MAP3K7CL: variants seen among roughly 807,000 people sequenced by gnomAD.
MAP3K7CL encodes MAP3K7 C-terminal-like protein.
Under a neutral mutation model 18.6 loss-of-function variants are expected in MAP3K7CL, and 16 were observed. The observed-to-expected ratio is 0.86, with a 90% CI of 0.58 to 1.31. The LOEUF (loss-of-function observed/expected upper bound fraction) is 1.31. Ranked by LOEUF, MAP3K7CL falls within the 50% of genes most tolerant of loss-of-function variation. The pLI is 0.00. For synonymous variants in MAP3K7CL, 65 were observed against 66.8 expected (o/e 0.97, Z 0.13); for missense variants, 163 against 174.4 (o/e 0.93, Z 0.37).
At chr21:29,172,834 A>AT (rs2087874153) in intron 4 of MAP3K7CL, among the ~76,000 whole-genome samples, 1 of 119,744 alleles carries the variant, frequency 8.4e-6, no homozygotes, top group South Asian at 3.4e-4. Flanking sequence ...TTGATGAGCA[A>AT]CCCCCCCCTC....
chr21:29,160,892 A>AT (rs1378487280), intron 4 of MAP3K7CL, among the ~76,000 whole-genome samples: 2 of 152,248 alleles, frequency 1.3e-5, no homozygotes, highest in African/African-American at 4.8e-5. Flanking sequence ...TGAGTAAATT[A>AT]TTGTTGATGT....
chr21:29,095,128 A>C (rs1288553945), intron 4 of MAP3K7CL, among the ~76,000 whole-genome samples: 2 of 126,576 alleles, frequency 1.6e-5, no homozygotes, highest in Non-Finnish European at 3.2e-5. Flanking sequence ...AGGGAAGGTT[A>C]GGCTCATTCA....
chr21:29,168,759 C>T (rs1419251222), intron 4 of MAP3K7CL, among the ~76,000 whole-genome samples: 1 of 152,156 alleles, frequency 6.6e-6, no homozygotes, highest in Admixed American at 6.6e-5. Context: ...TTGCCAAGAT[C>T]TGATTTTTCA....
chr21:29,077,799 G>T (rs1377590340), intron 1 of MAP3K7CL: 1 of 152,330 alleles, frequency 6.6e-6, no homozygotes, highest in Non-Finnish European at 1.5e-5. Flanking sequence ...TTTGCGCAGA[G>T]TTTGCAAAAC....
At chr21:29,153,698 C>G (rs1441672552) in intron 3 of MAP3K7CL, among the ~76,000 whole-genome samples, 2 of 152,146 alleles carry the variant, frequency 1.3e-5, no homozygotes, top group African/African-American at 4.8e-5. Flanking sequence ...ATCTGCCCAC[C>G]TCAGGCTCCC....
Position 29,174,759 on chromosome 21 carries a change from A to C in MAP3K7CL, c.296A>C (p.Asp99Ala). 6.2e-7 allele frequency: 1 copy of C among 1,614,146 alleles called. No homozygotes were observed. Among genetic ancestry groups the C allele is most frequent in the Non-Finnish European group, 8.5e-7 (1 of 1,180,020 alleles). ...KLDQAEKEKV[D>A]AAELVREFEA... The stretch of plus-strand genomic sequence containing the variant: ...GATCAGGCAGAAAAGGAGAAGGTGG[A>C]TGCTGCTGAGCTGGTTCGGGAATTC... The change falls in exon 5 of 5, where the codon GAT (aspartate) becomes GCT (alanine). Residue 99 changes from aspartate (D) to alanine (A), a missense_variant. Asp to Ala is a moderately radical substitution (Grantham distance 126). Transcript: ENST00000399928.
chr21:29,085,652 A>G (rs372836155), upstream of MAP3K7CL, among the ~76,000 whole-genome samples: 3 of 152,294 alleles, frequency 2.0e-5, no homozygotes, highest in African/African-American at 2.4e-5. Flanking sequence ...CTTGTCTGCA[A>G]AATTCATTTA....
chr21:29,150,367 G>A (rs2087240473), intron 3 of MAP3K7CL, among the ~76,000 whole-genome samples: 1 of 152,190 alleles, frequency 6.6e-6, no homozygotes, highest in South Asian at 2.1e-4. Flanking sequence ...TGCCAGGGTG[G>A]TCTCTAAAAA....
chr21:29,132,044 G>C (rs891854187), intron 1 of MAP3K7CL, among the ~76,000 whole-genome samples: 4 of 152,152 alleles, frequency 2.6e-5, no homozygotes, highest in Admixed American at 2.6e-4. Context: ...ATATCATTCA[G>C]GTTTTTTGGT....
At chr21:29,091,183 A>G (rs2086020527) in intron 1 of MAP3K7CL, among the ~76,000 whole-genome samples, 1 of 152,074 alleles carries the variant, frequency 6.6e-6, no homozygotes. Context: ...TTCATTCACA[A>G]TTTCTCCATC....
chr21:29,120,580 C>G (rs949420704), intron 4 of MAP3K7CL, among the ~76,000 whole-genome samples: 19 of 152,142 alleles, frequency 1.2e-4, no homozygotes, highest in Admixed American at 2.6e-4. Context: ...TTTCTCATCA[C>G]CTTAAAACCA....
At chr21:29,166,136 A>C (rs890084003) in intron 4 of MAP3K7CL, among the ~76,000 whole-genome samples, 24 of 152,152 alleles carry the variant, frequency 1.6e-4, no homozygotes, top group Admixed American at 1.0e-3. Flanking sequence ...GTACTCACTG[A>C]ATAACCCCTC....
At chr21:29,123,773 T>A (rs2086637361) in intron 4 of MAP3K7CL, among the ~76,000 whole-genome samples, 1 of 152,192 alleles carries the variant, frequency 6.6e-6, no homozygotes, top group African/African-American at 2.4e-5. Flanking sequence ...TGGTGCTATT[T>A]GGTTCTGTTA....
intron 4 of MAP3K7CL, among the ~76,000 whole-genome samples, chr21:29,094,128 G>T (rs1318449838): frequency 6.6e-6 from 1 of 152,202 alleles, no homozygotes. Context: ...TCCCCCAGGG[G>T]ATATTTGGCA....
At chr21:29,109,388 A>G (rs2086380911) in intron 4 of MAP3K7CL, 2 of 1,334,660 alleles carry the variant, frequency 1.5e-6, no homozygotes, top group South Asian at 2.0e-5. Context: ...GAAATCAGAG[A>G]GAGCTTTAAA....
intron 3 of MAP3K7CL, among the ~76,000 whole-genome samples, chr21:29,149,520 A>C (rs1056474830): frequency 2.6e-5 from 4 of 152,196 alleles, no homozygotes; most frequent in African/African-American, 9.7e-5. Context: ...GCCTGGGAAA[A>C]GGACGGGTCC....
chr21:29,165,879 T>C (rs963295395), intron 4 of MAP3K7CL, among the ~76,000 whole-genome samples: 2 of 152,204 alleles, frequency 1.3e-5, no homozygotes, highest in African/African-American at 4.8e-5. Context: ...TTGTTTTTAA[T>C]TGACATGTAG....
chr21:29,108,031 CTTGAG>C (rs2086354489), intron 4 of MAP3K7CL, among the ~76,000 whole-genome samples: 1 of 152,256 alleles, frequency 6.6e-6, no homozygotes, highest in East Asian at 1.9e-4. Context: ...TAGTTATTTT[CTTGAG>C]TTAATTTCCT....
intron 4 of MAP3K7CL, 62 bp downstream of exon 4, chr21:29,160,118 A>G (rs1350276546): frequency 6.9e-6 from 9 of 1,306,418 alleles, no homozygotes; most frequent in Non-Finnish European, 9.9e-6. Flanking sequence ...GACCAGGGGC[A>G]ATGGGCAGGG....
Sources: gnomAD v4.1 joint callset for allele counts (sites outside exome capture counted in the v4.1 genomes callset) on GRCh38, gnomAD v4.1.1 for gene constraint, MANE v1.5 for transcripts, NCBI Gene and HGNC (gene_info 2026-07-23, HGNC 2026-07-21) for gene names.